Variants in FBXO42 observed in about 807,000 individuals in gnomAD.
FBXO42 encodes F-box protein 42.
Under a neutral mutation model 71.7 loss-of-function variants are expected in FBXO42, and 12 were observed. The observed-to-expected ratio is 0.17, with a 90% CI of 0.11 to 0.27. The LOEUF (loss-of-function observed/expected upper bound fraction) is 0.27. FBXO42 is among the 10% of genes least tolerant of loss of function. FBXO42 has a pLI of 1.00. For synonymous variants in FBXO42, 325 were observed against 327.5 expected (o/e 0.99, Z 0.08); for missense variants, 707 against 911.9 (o/e 0.78, Z 2.89).
chr1:16,295,639 C>T (rs539728038), intron 3 of FBXO42, among the ~76,000 whole-genome samples: 9 of 152,200 alleles, frequency 5.9e-5, no homozygotes, highest in African/African-American at 1.7e-4. Context: ...GTGATCCACC[C>T]GCCTCGGCCT....
Position 16,294,902 on chromosome 1 carries a change from T to A in FBXO42, c.383A>T (p.Asp128Val), listed in dbSNP as rs1052866528. 1 of 1,607,616 alleles carries A rather than the reference T, an allele frequency of 6.2e-7. No homozygotes were observed. Among genetic ancestry groups the A allele is most frequent in the Non-Finnish European group, 8.5e-7 (1 of 1,177,514 alleles). The change falls in exon 4 of 10, where the codon GAT (aspartate) becomes GTT (valine). Residue 128 changes from aspartate to valine, a missense_variant. Asp to Val is a radical substitution (Grantham distance 152). Around this residue, in one of 5 missense-constraint regions of FBXO42, gnomAD observed 188 missense variants for 230.5 expected, o/e 0.82. Coordinates refer to ENST00000375592, the MANE Select transcript of FBXO42 (RefSeq NM_018994.3). ...QRFSHSACYY[D>V]ANQSMYVFGG... is the part of the protein sequence containing the mutation. ...AAACACATACATAGACTGATTAGCA[T>A]CATAATAGCATGCACCTAGAAAGAA...
Position 16,350,743 on chromosome 1 carries a change from CAA to C in FBXO42, c.-18+1510_-18+1511del, listed in dbSNP as rs143818159. ...GCCTGGATGACAGAGTGAGAAACTG[CAA>C]AAAAAAAAAAAAAAAGAAAGAAAGA... is the stretch of plus-strand genomic sequence containing the variant. On this transcript the variant is annotated intron_variant, in intron 1 of 9. Coordinates refer to ENST00000375592, the MANE Select transcript of FBXO42 (RefSeq NM_018994.3). Among the ~76,000 whole-genome samples, 186 of 65,702 alleles carry C rather than the reference CAA, an allele frequency of 2.8e-3. 8 individuals are homozygous for C. The highest frequency in any genetic ancestry group is 3.6e-3 in the African/African-American group (59 of 16,368). 43.1% of individuals were successfully genotyped at this position (65,702 alleles called of 152,430 possible).
intron 1 of FBXO42, among the ~76,000 whole-genome samples, chr1:16,347,275 G>A (rs887270844): frequency 6.6e-6 from 1 of 151,998 alleles, no homozygotes; most frequent in African/African-American, 2.4e-5. Flanking sequence ...TAGCACTTTG[G>A]GAGGCTGAGG....
intron 3 of FBXO42, among the ~76,000 whole-genome samples, chr1:16,303,750 T>C (rs1236084568): frequency 6.6e-6 from 1 of 151,852 alleles, no homozygotes; most frequent in Non-Finnish European, 1.5e-5. Context: ...TATATTTTTA[T>C]TTTATTTATT....
intron 1 of FBXO42, among the ~76,000 whole-genome samples, chr1:16,323,419 A>AAAAC (rs139214149): frequency 1.3e-5 from 2 of 152,072 alleles, no homozygotes; most frequent in Non-Finnish European, 2.9e-5. Flanking sequence ...CTCCGTCTCA[A>AAAAC]AAACAAACAA....
intron 4 of FBXO42, among the ~76,000 whole-genome samples, chr1:16,261,775 C>T (rs1253596818): frequency 6.6e-6 from 1 of 152,042 alleles, no homozygotes; most frequent in Non-Finnish European, 1.5e-5. Context: ...GCGATCTCGG[C>T]TCACTGCAAG....
At position 16,256,698 on chromosome 1, in the gene FBXO42, C is replaced by G. The variant is rs1207264978; in HGVS notation, c.564G>C (p.Leu188=). The part of the protein sequence containing the change: ...TLVVYKDLLV[L]FGGWTRPSPY... ...GGCTTGGCCGCGTCCAGCCACCAAA[C>G]AGCACTAGCAAGTCCTTGTACACGA... Residue 188 remains leucine (L), a synonymous_variant, in exon 5 of 10, where the codon CTG becomes CTC. Transcript: ENST00000375592. The G allele has an allele frequency of 6.2e-7, 1 of 1,614,222 alleles. No homozygotes were observed. Among genetic ancestry groups the G allele is most frequent in the East Asian group, 2.2e-5 (1 of 44,890 alleles).
At chr1:16,289,408 TAA>T (rs58450626) in intron 4 of FBXO42, among the ~76,000 whole-genome samples, 16 of 139,226 alleles carry the variant, frequency 1.1e-4, no homozygotes, top group South Asian at 2.3e-4. Context: ...ATTGTCTCTT[TAA>T]AAAAAAAAAA....
intron 4 of FBXO42, 102 bp downstream of exon 4, chr1:16,294,681 A>G: frequency 8.0e-7 from 1 of 1,253,136 alleles, no homozygotes; most frequent in Non-Finnish European, 1.1e-6. Context: ...CCTGAGTCCC[A>G]GTAACCCATC....
At chr1:16,325,036 G>A (rs910578352) in intron 1 of FBXO42, among the ~76,000 whole-genome samples, 3 of 152,068 alleles carry the variant, frequency 2.0e-5, no homozygotes, top group South Asian at 2.1e-4. Context: ...CCAGGAGTTC[G>A]TGACCAGCCA....
chr1:16,266,271 G>A (rs1339280697), intron 4 of FBXO42, among the ~76,000 whole-genome samples: 1 of 145,676 alleles, frequency 6.9e-6, no homozygotes, highest in Non-Finnish European at 1.5e-5. Flanking sequence ...AAGGGAGCAA[G>A]CAGGAAGTAA....
intron 1 of FBXO42, among the ~76,000 whole-genome samples, chr1:16,324,306 C>T (rs571610929): frequency 6.6e-6 from 1 of 152,100 alleles, no homozygotes; most frequent in African/African-American, 2.4e-5. Flanking sequence ...GCTTAGATCC[C>T]ACACAGGGTA....
chr1:16,281,069 T>TCTC lies in FBXO42; in HGVS notation c.502+13711_502+13713dup, dbSNP rs756510348. 1.7e-3 allele frequency among the ~76,000 whole-genome samples: 252 copies of TCTC among 152,232 alleles called. 1 individual carries two copies. The highest frequency in any genetic ancestry group is 3.0e-3 in the Non-Finnish European group (201 of 68,008). ...CCTCTGCCTCCCAGATTCAAGCAAT[T>TCTC]CTCCTGCCTCAGCCTCCCGAGTAGC... On this transcript the variant is annotated intron_variant, in intron 4 of 9. Coordinates refer to ENST00000375592, the MANE Select transcript of FBXO42 (RefSeq NM_018994.3).
At chr1:16,334,365 G>A (rs562503396) in intron 1 of FBXO42, among the ~76,000 whole-genome samples, 13 of 150,176 alleles carry the variant, frequency 8.7e-5, no homozygotes, top group South Asian at 2.1e-4. Flanking sequence ...CCCGGGAGGC[G>A]GAGCTTGCAG....
chr1:16,276,205 C>T (rs1289001578), intron 4 of FBXO42, among the ~76,000 whole-genome samples: 2 of 151,784 alleles, frequency 1.3e-5, no homozygotes, highest in Non-Finnish European at 2.9e-5. Flanking sequence ...CACGGTGAAA[C>T]CCCGTTCTAC....
At chr1:16,279,450 A>C (rs1478833308) in intron 4 of FBXO42, among the ~76,000 whole-genome samples, 1 of 152,186 alleles carries the variant, frequency 6.6e-6, no homozygotes, top group Non-Finnish European at 1.5e-5. Flanking sequence ...AAAAGCAAAC[A>C]AACAGGAAGA....
At chr1:16,345,404 T>C (rs965120341) in intron 1 of FBXO42, among the ~76,000 whole-genome samples, 1 of 151,314 alleles carries the variant, frequency 6.6e-6, no homozygotes, top group Non-Finnish European at 1.5e-5. Flanking sequence ...GCCTGGGTGA[T>C]GGAGCGAGAC....
intron 2 of FBXO42, among the ~76,000 whole-genome samples, chr1:16,311,440 AC>A (rs2082310958): frequency 6.8e-6 from 1 of 147,520 alleles, no homozygotes; most frequent in Admixed American, 6.9e-5. Context: ...ATGAGCTATG[AC>A]CATGCCACTG....
rs376611139 is a variant in FBXO42 at position 16,304,696 on chromosome 1, C to T, written c.367+1107G>A. Reference sequence around the variant, plus strand: ...CAATGAAAAAGCAGAGGGCTGGGCGCGGTGGCTCACACCTGTAATCCCAGC... The same window carrying T: ...CAATGAAAAAGCAGAGGGCTGGGCGTGGTGGCTCACACCTGTAATCCCAGC... On this transcript the variant is annotated intron_variant, in intron 3 of 9. Transcript: ENST00000375592. Among the ~76,000 whole-genome samples the T allele has an allele frequency of 1.2e-4, 18 of 152,182 alleles. No homozygotes were observed. In the South Asian group the frequency reaches 1.2e-3, roughly 11 times the overall value.
Sources: allele counts gnomAD v4.1 joint callset (sites outside exome capture counted in the v4.1 genomes callset), GRCh38; gene constraint gnomAD v4.1.1; regional missense constraint gnomAD v4.1.1; transcripts MANE v1.5; gene names NCBI Gene and HGNC (gene_info 2026-07-23, HGNC 2026-07-21).